The following PSMA1 variants were observed in gnomAD, a reference collection of about 807,000 sequenced individuals.
The protein encoded by PSMA1 is proteasome 20S subunit alpha 1.
In PSMA1, 3 loss-of-function variants were observed where a neutral mutation model predicts 38.4. That is an observed-to-expected ratio of 0.08 (90% confidence interval 0.04 to 0.20). The LOEUF is 0.20. PSMA1 is among the 10% of genes least tolerant of loss of function. The pLI is 1.00. For missense variants in PSMA1, 227 were observed against 325.3 expected (o/e 0.70, Z 2.32); for synonymous variants, 101 against 107.1 (o/e 0.94, Z 0.35).
At chr11:14,536,506 G>C (rs1851709593) in intron 2 of PSMA1, among the ~76,000 whole-genome samples, 1 of 151,762 alleles carries the variant, frequency 6.6e-6, no homozygotes, top group Non-Finnish European at 1.5e-5. Context: ...CAGCCTGGGC[G>C]AAAGAGCGAG....
At chr11:14,628,274 G>C (rs1852942887) in intron 1 of PSMA1, among the ~76,000 whole-genome samples, 1 of 136,588 alleles carries the variant, frequency 7.3e-6, no homozygotes, top group Non-Finnish European at 1.6e-5. Flanking sequence ...CCACTAACTT[G>C]TCATCTAGCA....
intron 1 of PSMA1, among the ~76,000 whole-genome samples, chr11:14,636,942 T>C (rs978822497): frequency 2.0e-5 from 3 of 152,250 alleles, no homozygotes; most frequent in African/African-American, 4.8e-5. Context: ...TAAACGATTT[T>C]CCTAGCTTTG....
rs1459245634 is a variant in PSMA1, at chr11:14,586,336, G to A, written c.21+24630C>T. Among the ~76,000 whole-genome samples the A allele has an allele frequency of 2.0e-5, 3 of 152,116 alleles. 1 individual carries two copies. In the Middle Eastern group the frequency reaches 0.01, roughly 521 times the overall value. ...AATCCCAGCTACTTGGGAGGCTAAGGCAGGAGAATCACTTGAACCCGGGAG... is the reference window on the plus strand; with the variant it reads ...AATCCCAGCTACTTGGGAGGCTAAGACAGGAGAATCACTTGAACCCGGGAG... On this transcript the variant is annotated intron_variant, in intron 2 of 10. Coordinates refer to the PSMA1 transcript ENST00000418988.
chr11:14,607,774 T>A (rs1852661185), intron 2 of PSMA1, among the ~76,000 whole-genome samples: 4 of 152,316 alleles, frequency 2.6e-5, no homozygotes, highest in East Asian at 1.9e-4. Context: ...AGGTTAAACC[T>A]GGCTGATGGA....
At chr11:14,618,016 T>G (rs558153260) in intron 1 of PSMA1, among the ~76,000 whole-genome samples, 12 of 152,320 alleles carry the variant, frequency 7.9e-5, no homozygotes, top group African/African-American at 2.9e-4. Flanking sequence ...TTAGGCAATT[T>G]CCTTCTGTGA....
At chr11:14,631,683 C>T (rs534498997) in intron 1 of PSMA1, among the ~76,000 whole-genome samples, 21 of 152,212 alleles carry the variant, frequency 1.4e-4, no homozygotes, top group Middle Eastern at 3.4e-3. Context: ...CTATTAGGTC[C>T]GCTTGGTGCA....
intron 2 of PSMA1, among the ~76,000 whole-genome samples, chr11:14,557,022 T>G (rs374000271): frequency 6.2e-4 from 94 of 152,162 alleles, no homozygotes; most frequent in African/African-American, 2.2e-3. Flanking sequence ...TTTGTAGAGA[T>G]GGGGGTATCA....
chr11:14,584,459 T>C (rs1852316387), intron 2 of PSMA1, among the ~76,000 whole-genome samples: 1 of 152,066 alleles, frequency 6.6e-6, no homozygotes, highest in Non-Finnish European at 1.5e-5. Context: ...TAAGTGTCAG[T>C]TAATAGGCTA....
chr11:14,636,723 T>C (rs1399623187), intron 1 of PSMA1, among the ~76,000 whole-genome samples: 5 of 152,206 alleles, frequency 3.3e-5, no homozygotes, highest in Non-Finnish European at 7.3e-5. Flanking sequence ...CTTCTTATCC[T>C]GTTCAATGGT....
At chr11:14,548,255 G>A (rs375026274) in intron 2 of PSMA1, among the ~76,000 whole-genome samples, 3 of 152,014 alleles carry the variant, frequency 2.0e-5, no homozygotes, top group Non-Finnish European at 4.4e-5. Flanking sequence ...CTATTATTAT[G>A]TACTATTATT....
intron 1 of PSMA1, among the ~76,000 whole-genome samples, chr11:14,626,567 A>C (rs1215685878): frequency 1.3e-5 from 2 of 152,112 alleles, no homozygotes; most frequent in Non-Finnish European, 2.9e-5. Flanking sequence ...GTGATGTCTG[A>C]TGTAGAAAAA....
chr11:14,633,284 C>CTT (rs944970458), intron 1 of PSMA1, among the ~76,000 whole-genome samples: 9 of 152,130 alleles, frequency 5.9e-5, no homozygotes, highest in African/African-American at 2.2e-4. Flanking sequence ...TACTTTTGGT[C>CTT]TTTGATGATG....
At chr11:14,641,184 T>TA (rs879934532) in intron 1 of PSMA1, among the ~76,000 whole-genome samples, 4,464 of 141,130 alleles carry the variant, frequency 0.032, 89 homozygotes, top group Admixed American at 0.048. Context: ...TAATAATAAT[T>TA]AAAAAAAAAA....
chr11:14,612,704 C>G (rs1016705509), intron 1 of PSMA1, among the ~76,000 whole-genome samples: 2 of 152,062 alleles, frequency 1.3e-5, no homozygotes, highest in African/African-American at 4.8e-5. Flanking sequence ...ATTTGTCAAG[C>G]ATTTTTAGTA....
intron 4 of PSMA1, among the ~76,000 whole-genome samples, chr11:14,515,868 C>A (rs934814851): frequency 1.3e-4 from 19 of 151,780 alleles, no homozygotes; most frequent in Admixed American, 4.6e-4. Context: ...ATTCTTAAAC[C>A]ATAGCATTAC....
At chr11:14,577,589 T>C (rs1458266918) in intron 2 of PSMA1, among the ~76,000 whole-genome samples, 1 of 152,200 alleles carries the variant, frequency 6.6e-6, no homozygotes, top group Non-Finnish European at 1.5e-5. Flanking sequence ...AAAGTAATAG[T>C]AATAATAGCA....
At chr11:14,543,066 G>T (rs1489023375) in intron 2 of PSMA1, among the ~76,000 whole-genome samples, 1 of 152,114 alleles carries the variant, frequency 6.6e-6, no homozygotes, top group Non-Finnish European at 1.5e-5. Context: ...CCTGAGTTTA[G>T]GCAATCCACC....
At chr11:14,535,343 A>AT (rs900959735) in intron 2 of PSMA1, among the ~76,000 whole-genome samples, 3 of 151,782 alleles carry the variant, frequency 2.0e-5, no homozygotes, top group Non-Finnish European at 2.9e-5. Flanking sequence ...GTTTAGAAAT[A>AT]TTTTTTTCCA....
chr11:14,528,426 C>A (rs893981996), intron 2 of PSMA1, among the ~76,000 whole-genome samples: 2 of 151,976 alleles, frequency 1.3e-5, no homozygotes, highest in African/African-American at 4.8e-5. Flanking sequence ...TTCTAACAAC[C>A]CCACAATATC....
Sources: gnomAD v4.1 joint callset for allele counts (sites outside exome capture counted in the v4.1 genomes callset) on GRCh38, gnomAD v4.1.1 for gene constraint, MANE v1.5 for transcripts, NCBI Gene and HGNC (gene_info 2026-07-23, HGNC 2026-07-21) for gene names.